The following GRIN2B variants were observed in gnomAD, a reference collection of about 807,000 sequenced individuals.
GRIN2B encodes glutamate ionotropic receptor NMDA type subunit 2B.
GRIN2B carries 5 observed loss-of-function variants against 114.5 expected under a neutral mutation model. The observed-to-expected ratio is 0.04, with a 90% CI of 0.02 to 0.09. The LOEUF (loss-of-function observed/expected upper bound fraction) is 0.09, where lower values mean the gene tolerates loss of function less well. Among genes scored for constraint, GRIN2B ranks in the 10% least tolerant of loss-of-function variants. The probability of loss-of-function intolerance (pLI) is 1.00; values close to 1 mark genes in which losing one functional copy is unlikely to be tolerated. For missense variants in GRIN2B, 1,108 were observed against 1,943.5 expected (o/e 0.57, Z 8.08); for synonymous variants, 787 against 745.1 (o/e 1.06, Z -0.92).
rs751164025 is a variant in GRIN2B, at chr12:13,545,380, G to C, written c.*17403C>G. 4 of 152,138 alleles carry C rather than the reference G, an allele frequency of 2.6e-5. No homozygotes were observed. The highest frequency in any genetic ancestry group is 5.9e-5 in the Non-Finnish European group (4 of 68,034). 9.4% of individuals were successfully genotyped at this position (152,138 alleles called of 1,614,324 possible). On this transcript the variant is annotated 3_prime_UTR_variant, in exon 14 of 14. Transcript: ENST00000609686. ...TCTCATCAACATACAAACTTCAAGA[G>C]GGTATGGACTTTGTGTGGTTCGTTC...
intron 1 of GRIN2B, among the ~76,000 whole-genome samples, chr12:13,981,065 C>G (rs1187606294): frequency 1.3e-5 from 2 of 152,032 alleles, no homozygotes; most frequent in South Asian, 2.1e-4. Flanking sequence ...GGGTCCGGCC[C>G]GGGGCGCCGC....
At chr12:13,800,795 T>C (rs1864496203) in intron 3 of GRIN2B, among the ~76,000 whole-genome samples, 1 of 152,220 alleles carries the variant, frequency 6.6e-6, no homozygotes, top group African/African-American at 2.4e-5. Flanking sequence ...AATGATCTAA[T>C]TAACCAAATA....
chr12:13,601,126 A>G (rs1949152229), intron 10 of GRIN2B, among the ~76,000 whole-genome samples: 1 of 152,240 alleles, frequency 6.6e-6, no homozygotes, highest in Non-Finnish European at 1.5e-5. Context: ...CAAAGTGCAG[A>G]TTACAGAAGA....
chr12:13,944,025 A>G (rs1867318530), intron 2 of GRIN2B, among the ~76,000 whole-genome samples: 2 of 152,194 alleles, frequency 1.3e-5, no homozygotes, highest in Non-Finnish European at 2.9e-5. Context: ...CCCTTTATCA[A>G]TATATCCAGA....
At chr12:13,953,805 C>T (rs1867538432) in intron 2 of GRIN2B, among the ~76,000 whole-genome samples, 2 of 152,218 alleles carry the variant, frequency 1.3e-5, no homozygotes, top group African/African-American at 4.8e-5. Context: ...TGGGGTTGCA[C>T]ATGGGGTTGG....
In GRIN2B at chr12:13,739,336, T is replaced by TGCAC. The variant is rs547218307; in HGVS notation, c.1010+13977_1010+13980dup. On this transcript the variant is annotated intron_variant, in intron 4 of 13. Coordinates refer to ENST00000609686, the MANE Select transcript of GRIN2B (RefSeq NM_000834.5). ...TTGTGGTGAGCTGAGATTGCACCAT[T>TGCAC]GCACTCCAGCCTGGGCAACAAGAGT... is the stretch of plus-strand genomic sequence containing the variant. 2.4e-3 allele frequency among the ~76,000 whole-genome samples: 291 copies of TGCAC among 122,038 alleles called. 1 individual carries two copies. The highest frequency in any genetic ancestry group is 9.0e-3 in the African/African-American group (275 of 30,494). The allele number at this position is 122,038 out of a possible 152,430, so 80.1% of individuals were successfully genotyped here.
intron 3 of GRIN2B, among the ~76,000 whole-genome samples, chr12:13,846,154 T>C (rs1188290574): frequency 6.6e-6 from 1 of 152,168 alleles, no homozygotes; most frequent in African/African-American, 2.4e-5. Context: ...GCTATATGGA[T>C]TATAAAGCAA....
At chr12:13,729,951 A>C (rs963137942) in intron 4 of GRIN2B, among the ~76,000 whole-genome samples, 12 of 151,766 alleles carry the variant, frequency 7.9e-5, no homozygotes, top group South Asian at 2.1e-4. Context: ...AATTGTCAGC[A>C]CATGTATCTT....
intron 3 of GRIN2B, among the ~76,000 whole-genome samples, chr12:13,855,867 G>A (rs191741526): frequency 6.6e-6 from 1 of 152,292 alleles, no homozygotes; most frequent in East Asian, 1.9e-4. Context: ...TGTATAGAGT[G>A]CACAGTTTAA....
chr12:13,907,091 A>G (rs1225539832), intron 2 of GRIN2B, among the ~76,000 whole-genome samples: 3 of 151,530 alleles, frequency 2.0e-5, no homozygotes, highest in Non-Finnish European at 4.4e-5. Flanking sequence ...TATTTGTAGT[A>G]AAATAATTCA....
chr12:13,609,323 G>T (rs952305899), intron 9 of GRIN2B, among the ~76,000 whole-genome samples: 3 of 152,170 alleles, frequency 2.0e-5, no homozygotes, highest in Non-Finnish European at 1.5e-5. Flanking sequence ...CCCTCTCCAA[G>T]TCTGTTTATA....
rs76245779 is a variant in GRIN2B, at chr12:13,750,136, C to T, written c.1010+3181G>A. ...TTGGGAAATCAAGTGAAGCTGGACT[C>T]CCTCTCTCTCTCAGTCTCTCTGCTC... On this transcript the variant is annotated intron_variant, in intron 4 of 13. Transcript: ENST00000609686. Among the ~76,000 whole-genome samples, 893 of 151,914 alleles carry T rather than the reference C, an allele frequency of 5.9e-3. 14 individuals are homozygous for T. Among genetic ancestry groups the T allele is most frequent in the African/African-American group, 0.02 (841 of 41,368 alleles).
chr12:13,751,177 GT>G (rs2136626512), intron 4 of GRIN2B, among the ~76,000 whole-genome samples: 1 of 152,246 alleles, frequency 6.6e-6, no homozygotes, highest in South Asian at 2.1e-4. Flanking sequence ...GGAAGGTAGC[GT>G]GCAAGGCAGA....
intron 2 of GRIN2B, among the ~76,000 whole-genome samples, chr12:13,871,335 A>G (rs932104735): frequency 6.6e-6 from 1 of 151,758 alleles, no homozygotes; most frequent in African/African-American, 2.4e-5. Flanking sequence ...GATTAAATTA[A>G]AAGTACTTTT....
At chr12:13,961,257 C>T (rs780229496) in intron 2 of GRIN2B, among the ~76,000 whole-genome samples, 15 of 151,898 alleles carry the variant, frequency 9.9e-5, no homozygotes, top group Non-Finnish European at 1.8e-4. Flanking sequence ...GAGAAGGAAG[C>T]ATTAGAGAAT....
intron 3 of GRIN2B, among the ~76,000 whole-genome samples, chr12:13,819,427 C>A (rs1864890202): frequency 1.3e-5 from 2 of 152,212 alleles, no homozygotes; most frequent in Non-Finnish European, 2.9e-5. Flanking sequence ...CAAGACTCAG[C>A]TACACTCATG....
At chr12:13,820,036 G>A (rs1864904306) in intron 3 of GRIN2B, among the ~76,000 whole-genome samples, 1 of 152,122 alleles carries the variant, frequency 6.6e-6, no homozygotes, top group Admixed American at 6.6e-5. Context: ...CCCAAGTGTA[G>A]ACAAAACCTC....
chr12:13,866,121 T>C lies in GRIN2B; in HGVS notation c.88A>G (p.Lys30Glu). Residue 30 changes from lysine (K) to glutamate (E), a missense_variant, in exon 3 of 14, where the codon AAG (lysine) becomes GAG (glutamate). Lys to Glu is a moderately conservative substitution (Grantham distance 56). This residue lies in a region of GRIN2B where 46 missense variants were observed against 44.4 expected (regional missense o/e 1.04). Coordinates refer to ENST00000609686, the MANE Select transcript of GRIN2B (RefSeq NM_000834.5). Reference sequence around the variant, plus strand: ...GCAATGCCAATGCTGGGGGGGCTCTTCTGAGAACGAGCTCTGCTGCCTGAC... The same window carrying C: ...GCAATGCCAATGCTGGGGGGGCTCTCCTGAGAACGAGCTCTGCTGCCTGAC... ...AVSGSRARSQ[K>E]SPPSIGIAVI... is the part of the protein sequence containing the mutation. 1 of 1,613,832 alleles carries C rather than the reference T, an allele frequency of 6.2e-7. No individual in the cohort carries two copies. The highest frequency in any genetic ancestry group is 8.5e-7 in the Non-Finnish European group (1 of 1,179,984).
chr12:13,617,094 G>A (rs957302637), intron 5 of GRIN2B, among the ~76,000 whole-genome samples: 1 of 152,206 alleles, frequency 6.6e-6, no homozygotes, highest in Non-Finnish European at 1.5e-5. Flanking sequence ...GGAGCATGAT[G>A]GTGAGAGCAG....
Sources: allele counts gnomAD v4.1 joint callset (sites outside exome capture counted in the v4.1 genomes callset), GRCh38; gene constraint gnomAD v4.1.1; regional missense constraint gnomAD v4.1.1; transcripts MANE v1.5; gene names NCBI Gene and HGNC (gene_info 2026-07-23, HGNC 2026-07-21).